Variants in ZDHHC11 observed in about 807,000 individuals in gnomAD.
ZDHHC11 encodes zDHHC palmitoyltransferase 11.
A neutral mutation model predicts 51.3 loss-of-function variants in ZDHHC11; 44 were observed. The observed-to-expected ratio is 0.86, with a 90% CI of 0.67 to 1.10. The LOEUF (loss-of-function observed/expected upper bound fraction) is 1.10. Ranked by LOEUF, ZDHHC11 falls within the 50% of genes least tolerant of loss-of-function variation. The probability of loss-of-function intolerance (pLI) is 0.00; values close to 1 mark genes in which losing one functional copy is unlikely to be tolerated. For synonymous variants in ZDHHC11, 163 were observed against 222.0 expected (o/e 0.73, Z 2.36); for missense variants, 400 against 537.7 (o/e 0.74, Z 2.53).
intron 7 of ZDHHC11, among the ~76,000 whole-genome samples, chr5:833,314 C>A (rs1743305723): frequency 6.6e-6 from 1 of 151,112 alleles, no homozygotes; most frequent in East Asian, 2.0e-4. Flanking sequence ...TGAAGCCAGC[C>A]CTGGCCCTGT....
At chr5:816,382 T>C in intron 10 of ZDHHC11, 1 of 388,410 alleles carries the variant, frequency 2.6e-6, no homozygotes, top group South Asian at 2.0e-5. Flanking sequence ...AGGGGGGCGG[T>C]AGCGCAGGCG....
chr5:807,540 C>T (rs1739448021), intron 11 of ZDHHC11, among the ~76,000 whole-genome samples: 2 of 151,398 alleles, frequency 1.3e-5, no homozygotes, highest in African/African-American at 4.9e-5. Context: ...TGAATCTGTT[C>T]CCACCCAGGA....
intron 9 of ZDHHC11, chr5:821,506 CA>C (rs1461097534): frequency 4.4e-6 from 1 of 225,380 alleles, no homozygotes; most frequent in Admixed American, 5.2e-5. Context: ...TGGGAAGCAT[CA>C]AGTGAAAGCG....
chr5:829,167 A>T (rs1240995148), intron 7 of ZDHHC11, among the ~76,000 whole-genome samples: 4 of 148,396 alleles, frequency 2.7e-5, no homozygotes, highest in Non-Finnish European at 4.5e-5. Flanking sequence ...ACTAAATGAA[A>T]TTCAAACAAA....
chr5:810,744 G>A (rs1235097978), intron 11 of ZDHHC11, among the ~76,000 whole-genome samples: 1 of 151,454 alleles, frequency 6.6e-6, no homozygotes, highest in African/African-American at 2.4e-5. Flanking sequence ...GTTGCATCTA[G>A]AGGCTTTGTA....
intron 10 of ZDHHC11, among the ~76,000 whole-genome samples, chr5:815,569 T>C (rs1241056244): frequency 2.0e-5 from 3 of 151,368 alleles, no homozygotes; most frequent in Non-Finnish European, 3.0e-5. Flanking sequence ...ATCTTCTTTT[T>C]AATTATATTT....
chr5:801,851 CA>C (rs1268095484), intron 11 of ZDHHC11, among the ~76,000 whole-genome samples: 2 of 151,370 alleles, frequency 1.3e-5, no homozygotes, highest in Non-Finnish European at 3.0e-5. Flanking sequence ...ACTTCTAAAT[CA>C]AAACTGCGTA....
At chr5:815,932 T>C (rs1483848677) in intron 10 of ZDHHC11, among the ~76,000 whole-genome samples, 2 of 151,532 alleles carry the variant, frequency 1.3e-5, no homozygotes, top group Non-Finnish European at 3.0e-5. Flanking sequence ...ATTTTTATTG[T>C]AGCCTTTCTA....
chr5:846,860 GT>G (rs1746288400), intron 3 of ZDHHC11, among the ~76,000 whole-genome samples: 3 of 116,526 alleles, frequency 2.6e-5, no homozygotes, highest in African/African-American at 1.2e-4. Context: ...AACACCTCTC[GT>G]TCTTGCACCT....
intron 6 of ZDHHC11, among the ~76,000 whole-genome samples, chr5:835,423 T>A (rs1236274132): frequency 6.6e-6 from 1 of 151,050 alleles, no homozygotes; most frequent in Non-Finnish European, 1.5e-5. Flanking sequence ...TCTCTGTCGG[T>A]GCCACACTGT....
chr5:849,003 T>A (rs1746722198), intron 1 of ZDHHC11, among the ~76,000 whole-genome samples: 1 of 151,110 alleles, frequency 6.6e-6, no homozygotes, highest in African/African-American at 2.4e-5. Context: ...CACATGGCCC[T>A]GCTCATCCAG....
chr5:843,972 A>ATCT (rs1745633679), intron 3 of ZDHHC11, among the ~76,000 whole-genome samples: 1 of 68,510 alleles, frequency 1.5e-5, no homozygotes, highest in Admixed American at 1.7e-4. Flanking sequence ...GTGCAGAGGC[A>ATCT]GGGGCAGGGA....
At chr5:801,419 A>G (rs963777021) in intron 11 of ZDHHC11, among the ~76,000 whole-genome samples, 1 of 151,920 alleles carries the variant, frequency 6.6e-6, no homozygotes, top group African/African-American at 2.4e-5. Flanking sequence ...TTTCCCTGAT[A>G]AATAAGAGGG....
In ZDHHC11 at chr5:796,046, C is replaced by T. The variant is rs1228479420; in HGVS notation, c.*542G>A. Reference sequence around the variant, plus strand: ...TGCTCCCACTTCTCAGTACTGTGCTCCCACTTCCCAGTACTGTGCTCCCAT... The same window carrying T: ...TGCTCCCACTTCTCAGTACTGTGCTTCCACTTCCCAGTACTGTGCTCCCAT... On this transcript the variant is annotated 3_prime_UTR_variant, in exon 13 of 13. Transcript: ENST00000283441. 6 of 156,446 alleles carry T rather than the reference C, an allele frequency of 3.8e-5. No individual in the cohort carries two copies. The highest frequency in any genetic ancestry group is 7.2e-5 in the Non-Finnish European group (5 of 69,168). The allele number at this position is 156,446 out of a possible 1,614,324, so 9.7% of individuals were successfully genotyped here. A position where few individuals can be genotyped will look rare whatever the true frequency, so the allele number is the denominator to read the frequency against.
chr5:801,972 G>A (rs1738490468), intron 11 of ZDHHC11, among the ~76,000 whole-genome samples: 1 of 151,432 alleles, frequency 6.6e-6, no homozygotes, highest in South Asian at 2.1e-4. Flanking sequence ...AAAAGCAAGA[G>A]GGAAACCTTT....
intron 11 of ZDHHC11, among the ~76,000 whole-genome samples, chr5:807,498 A>T (rs930482104): frequency 6.6e-6 from 1 of 151,446 alleles, no homozygotes; most frequent in Admixed American, 6.6e-5. Flanking sequence ...TACGGAGTCA[A>T]TGAAGGAAGC....
intron 10 of ZDHHC11, among the ~76,000 whole-genome samples, chr5:818,456 T>C (rs1741122060): frequency 6.6e-6 from 1 of 151,680 alleles, no homozygotes; most frequent in South Asian, 2.1e-4. Flanking sequence ...CTCAAGAGCC[T>C]GTTCCCTGAA....
chr5:846,552 G>A (rs1448178949), intron 3 of ZDHHC11, among the ~76,000 whole-genome samples: 42 of 137,342 alleles, frequency 3.1e-4, no homozygotes, highest in African/African-American at 1.2e-3. Context: ...CGTCTCATCT[G>A]TGAGTCTCCA....
At chr5:825,483 A>G (rs571863) in intron 7 of ZDHHC11, among the ~76,000 whole-genome samples, 36,919 of 142,788 alleles carry the variant, frequency 0.26, 2,944 homozygotes, top group African/African-American at 0.49. Context: ...CCACTGGGAC[A>G]ATGCAAAGCA....
Sources: gnomAD v4.1 joint callset for allele counts (sites outside exome capture counted in the v4.1 genomes callset) on GRCh38, gnomAD v4.1.1 for gene constraint, MANE v1.5 for transcripts, NCBI Gene and HGNC (gene_info 2026-07-23, HGNC 2026-07-21) for gene names.